The following IGF1 variants were observed in gnomAD, a reference collection of about 807,000 sequenced individuals.
The protein encoded by IGF1 is insulin-like growth factor 1.
IGF1 carries 4 observed loss-of-function variants against 13.8 expected under a neutral mutation model. The observed-to-expected ratio is 0.29, with a 90% CI of 0.14 to 0.66. The LOEUF (loss-of-function observed/expected upper bound fraction) is 0.66. Ranked by LOEUF, IGF1 falls within the 30% of genes least tolerant of loss-of-function variation. The probability of loss-of-function intolerance (pLI) is 0.78; values close to 1 mark genes in which losing one functional copy is unlikely to be tolerated. For missense variants in IGF1, 124 were observed against 188.5 expected, an observed-to-expected ratio of 0.66 and a Z score of 2.00; for synonymous variants, 76 against 72.6, an observed-to-expected ratio of 1.05 and a Z score of -0.23.
chr12:102,453,302 T>G (rs993539749), intron 2 of IGF1, among the ~76,000 whole-genome samples: 1 of 152,220 alleles, frequency 6.6e-6, no homozygotes, highest in Non-Finnish European at 1.5e-5. Context: ...CTATAGAGCT[T>G]GGCATTTGTT....
intron 2 of IGF1, among the ~76,000 whole-genome samples, chr12:102,453,299 G>T (rs1317727629): frequency 6.6e-6 from 1 of 152,172 alleles, no homozygotes; most frequent in Non-Finnish European, 1.5e-5. Flanking sequence ...TCCCTATAGA[G>T]CTTGGCATTT....
At chr12:102,410,405 G>C (rs1327290678) in intron 3 of IGF1, among the ~76,000 whole-genome samples, 4 of 152,162 alleles carry the variant, frequency 2.6e-5, no homozygotes, top group Non-Finnish European at 5.9e-5. Context: ...TTCGCAGAGG[G>C]AGTTGATTTT....
At chr12:102,425,050 C>T (rs983367501) in intron 2 of IGF1, among the ~76,000 whole-genome samples, 4 of 152,162 alleles carry the variant, frequency 2.6e-5, no homozygotes, top group African/African-American at 7.2e-5. Flanking sequence ...CACATATACT[C>T]AAACACATAT....
At chr12:102,447,132 G>A (rs1878422179) in intron 2 of IGF1, among the ~76,000 whole-genome samples, 1 of 152,132 alleles carries the variant, frequency 6.6e-6, no homozygotes, top group South Asian at 2.1e-4. Flanking sequence ...GCTAAGGAGT[G>A]TTTTACTTCC....
intron 2 of IGF1, among the ~76,000 whole-genome samples, chr12:102,433,988 C>T (rs528855563): frequency 7.9e-5 from 12 of 152,252 alleles, no homozygotes; most frequent in South Asian, 2.1e-4. Context: ...CTGATTGTGA[C>T]GTTGTGTGGT....
intron 2 of IGF1, among the ~76,000 whole-genome samples, chr12:102,461,547 T>A (rs1016030078): frequency 2.6e-5 from 4 of 152,016 alleles, no homozygotes; most frequent in Admixed American, 6.5e-5. Context: ...GTCCACTTAA[T>A]GCAATTAGAT....
intron 2 of IGF1, among the ~76,000 whole-genome samples, chr12:102,424,040 T>C (rs990137348): frequency 3.3e-5 from 5 of 152,226 alleles, no homozygotes; most frequent in Non-Finnish European, 7.3e-5. Flanking sequence ...GAAAGTTTTA[T>C]TTTAACTATT....
At chr12:102,417,901 G>A in intron 3 of IGF1, 1 of 1,613,872 alleles carries the variant, frequency 6.2e-7, no homozygotes, top group South Asian at 1.1e-5. Flanking sequence ...CTGATCTGCA[G>A]ACTTGCTTCT....
At chr12:102,424,806 A>G (rs1251566417) in intron 2 of IGF1, among the ~76,000 whole-genome samples, 4 of 152,182 alleles carry the variant, frequency 2.6e-5, no homozygotes, top group East Asian at 1.9e-4. Flanking sequence ...CAAGACCCCA[A>G]TGTAATACAT....
At chr12:102,465,502 C>T (rs1435765884) in intron 2 of IGF1, among the ~76,000 whole-genome samples, 1 of 152,180 alleles carries the variant, frequency 6.6e-6, no homozygotes, top group East Asian at 1.9e-4. Context: ...AATTGAATGA[C>T]TGTGATAGGA....
At chr12:102,436,498 C>T (rs1416632548) in intron 2 of IGF1, among the ~76,000 whole-genome samples, 1 of 152,250 alleles carries the variant, frequency 6.6e-6, no homozygotes, top group East Asian at 1.9e-4. Flanking sequence ...TGCCTTTGCC[C>T]TATAACCTCC....
At chr12:102,402,660 C>T (rs574772628) in intron 3 of IGF1, 94 bp from the exon 4 acceptor site, 3 of 766,638 alleles carry the variant, frequency 3.9e-6, no homozygotes, top group Non-Finnish European at 7.3e-6. Context: ...ATGTCTTACG[C>T]CTTACCAGTT....
intron 2 of IGF1, among the ~76,000 whole-genome samples, chr12:102,435,734 G>C (rs1877169724): frequency 6.6e-6 from 1 of 152,200 alleles, no homozygotes; most frequent in Non-Finnish European, 1.5e-5. Flanking sequence ...TCCTGAAGCA[G>C]GTAGTGCCCA....
At chr12:102,476,877 C>A (rs1881082224) in intron 1 of IGF1, among the ~76,000 whole-genome samples, 1 of 152,180 alleles carries the variant, frequency 6.6e-6, no homozygotes, top group Admixed American at 6.5e-5. Context: ...CTAAGATGAT[C>A]ATTAAGTTTT....
chr12:102,451,375 C>A (rs747701153), intron 2 of IGF1, among the ~76,000 whole-genome samples: 1 of 152,136 alleles, frequency 6.6e-6, no homozygotes, highest in Non-Finnish European at 1.5e-5. Flanking sequence ...CATTTGTTTA[C>A]GCAGAGTAAG....
intron 2 of IGF1, among the ~76,000 whole-genome samples, chr12:102,469,935 C>T (rs187499937): frequency 3.9e-5 from 6 of 152,068 alleles, no homozygotes; most frequent in South Asian, 4.2e-4. Flanking sequence ...ATTACTAATA[C>T]TACTACATAA....
chr12:102,441,946 CTTCTTCTTCTTT>C (rs1877855386), intron 2 of IGF1, among the ~76,000 whole-genome samples: 1 of 141,858 alleles, frequency 7.0e-6, no homozygotes. Flanking sequence ...TCTTCTTCTT[CTTCTTCTTCTTT>C]TTTTTTTTTG....
intron 2 of IGF1, among the ~76,000 whole-genome samples, chr12:102,436,379 T>A (rs544124095): frequency 2.0e-5 from 3 of 152,328 alleles, no homozygotes; most frequent in East Asian, 3.9e-4. Flanking sequence ...TGAGTTCAAT[T>A]TATTTTTAAG....
chr12:102,471,604 T>C (rs1880693594), intron 2 of IGF1, among the ~76,000 whole-genome samples: 1 of 152,242 alleles, frequency 6.6e-6, no homozygotes, highest in Non-Finnish European at 1.5e-5. Context: ...CTGTTCTTAA[T>C]AACTATACAT....
Sources: allele counts gnomAD v4.1 joint callset (sites outside exome capture counted in the v4.1 genomes callset), GRCh38; gene constraint gnomAD v4.1.1; transcripts MANE v1.5; gene names NCBI Gene and HGNC (gene_info 2026-07-23, HGNC 2026-07-21).